Variants in ADGRB3 observed in about 807,000 individuals in gnomAD.
The protein encoded by ADGRB3 is adhesion G protein-coupled receptor B3.
ADGRB3 carries 37 observed loss-of-function variants against 193.4 expected under a neutral mutation model. That is an observed-to-expected ratio of 0.19 (90% CI 0.15 to 0.25). The LOEUF is 0.25. Ranked by LOEUF, ADGRB3 falls within the 10% of genes least tolerant of loss-of-function variation. The pLI, the probability that ADGRB3 is intolerant of heterozygous loss-of-function variation, is 1.00. For missense variants in ADGRB3, 1,637 were observed against 1,852.9 expected (o/e 0.88, Z 2.14); for synonymous variants, 690 against 644.2 (o/e 1.07, Z -1.08).
intron 20 of ADGRB3, among the ~76,000 whole-genome samples, chr6:69,275,291 T>C (rs534798587): frequency 6.6e-6 from 1 of 152,272 alleles, no homozygotes; most frequent in East Asian, 1.9e-4. Context: ...TAGTTTCTTC[T>C]TTCATCTTTA....
intron 20 of ADGRB3, among the ~76,000 whole-genome samples, chr6:69,282,492 G>A (rs1437387416): frequency 6.6e-6 from 1 of 152,108 alleles, no homozygotes; most frequent in Non-Finnish European, 1.5e-5. Context: ...CTCCATCTAA[G>A]TAATATGATT....
intron 17 of ADGRB3, among the ~76,000 whole-genome samples, chr6:69,134,340 G>A (rs1383955277): frequency 1.3e-5 from 2 of 152,040 alleles, no homozygotes; most frequent in African/African-American, 4.8e-5. Flanking sequence ...CCTCATCATT[G>A]TAACTTCCTG....
At position 69,348,526 on chromosome 6, in the gene ADGRB3, G is replaced by A. The variant is rs370920446; in HGVS notation, c.3460-5707G>A. On this transcript the variant is annotated intron_variant, in intron 26 of 31. Coordinates refer to ENST00000370598, the MANE Select transcript of ADGRB3 (RefSeq NM_001704.3). ...AAAAAAAAAAAAATTAGCCGGGCAT[G>A]GTGGCAGGCGCCTGTAGTCCCAGCT... Among the ~76,000 whole-genome samples, 712 of 151,096 alleles carry A rather than the reference G, an allele frequency of 4.7e-3. 4 individuals are homozygous for A. The highest frequency in any genetic ancestry group is 0.017 in the African/African-American group (680 of 41,040).
intron 17 of ADGRB3, among the ~76,000 whole-genome samples, chr6:69,178,424 T>A (rs1470497474): frequency 6.6e-6 from 1 of 152,232 alleles, no homozygotes; most frequent in Non-Finnish European, 1.5e-5. Flanking sequence ...CTTGCCACTC[T>A]GTGCCTTTTA....
intron 3 of ADGRB3, among the ~76,000 whole-genome samples, chr6:68,889,985 A>G (rs1182227921): frequency 3.3e-5 from 5 of 152,210 alleles, no homozygotes; most frequent in East Asian, 1.9e-4. Flanking sequence ...AACTCTATAC[A>G]TGGCCAACAA....
At chr6:69,145,641 T>C (rs1384890083) in intron 17 of ADGRB3, among the ~76,000 whole-genome samples, 1 of 152,006 alleles carries the variant, frequency 6.6e-6, no homozygotes, top group East Asian at 1.9e-4. Flanking sequence ...AAGTGGAGGA[T>C]AAGAAAGATG....
chr6:68,760,604 A>G (rs1766378719), intron 3 of ADGRB3, among the ~76,000 whole-genome samples: 2 of 152,232 alleles, frequency 1.3e-5, no homozygotes, highest in Admixed American at 1.3e-4. Flanking sequence ...TCAGAGGAAA[A>G]CAACAAACGT....
At chr6:68,697,656 C>G (rs919515569) in intron 3 of ADGRB3, among the ~76,000 whole-genome samples, 2 of 151,928 alleles carry the variant, frequency 1.3e-5, no homozygotes, top group Non-Finnish European at 2.9e-5. Flanking sequence ...GTGAAACAAA[C>G]TGTACAGCAC....
chr6:69,216,478 G>A (rs1232794609), intron 17 of ADGRB3, among the ~76,000 whole-genome samples: 2 of 152,144 alleles, frequency 1.3e-5, no homozygotes, highest in Admixed American at 6.6e-5. Flanking sequence ...GAGAAAGGAA[G>A]CACAAATGTA....
intron 13 of ADGRB3, among the ~76,000 whole-genome samples, chr6:69,037,142 A>G (rs1283841068): frequency 6.6e-6 from 1 of 152,176 alleles, no homozygotes; most frequent in Non-Finnish European, 1.5e-5. Flanking sequence ...AAATATCAAT[A>G]GTAAAGAATG....
intron 17 of ADGRB3, among the ~76,000 whole-genome samples, chr6:69,135,801 G>A (rs1311389758): frequency 6.6e-6 from 1 of 152,002 alleles, no homozygotes; most frequent in Non-Finnish European, 1.5e-5. Flanking sequence ...GGATTATCAG[G>A]AGAACAAGAA....
chr6:68,792,883 T>A (rs1280568159), intron 3 of ADGRB3, among the ~76,000 whole-genome samples: 1 of 152,190 alleles, frequency 6.6e-6, no homozygotes, highest in Non-Finnish European at 1.5e-5. Flanking sequence ...TTACATGATC[T>A]ACAGTCTCAG....
chr6:69,128,746 A>G lies in ADGRB3; in HGVS notation c.2480+52708A>G, dbSNP rs139503861. 9.5e-4 allele frequency among the ~76,000 whole-genome samples: 144 copies of G among 152,268 alleles called. 2 individuals carry two copies. In the South Asian group the frequency reaches 0.014, roughly 15 times the overall value. On this transcript the variant is annotated intron_variant, in intron 17 of 31. Coordinates refer to ENST00000370598, the MANE Select transcript of ADGRB3 (RefSeq NM_001704.3). The stretch of plus-strand genomic sequence containing the variant: ...TTGTTAAACTGACTATTTTCAGACC[A>G]TCTTCAAGGAACTTGGTTATTCCAG...
chr6:68,880,320 T>C (rs1765699832), intron 3 of ADGRB3, among the ~76,000 whole-genome samples: 2 of 152,210 alleles, frequency 1.3e-5, no homozygotes, highest in Non-Finnish European at 2.9e-5. Context: ...GCCTATGGTA[T>C]CAGTTTCAAA....
In ADGRB3 at chr6:68,754,742, A is replaced by G. The variant is rs374073283; in HGVS notation, c.757+115310A>G. 3.3e-4 allele frequency among the ~76,000 whole-genome samples: 49 copies of G among 150,342 alleles called. 1 individual carries two copies. The highest frequency in any genetic ancestry group is 3.4e-3 in the Middle Eastern group (1 of 292). On this transcript the variant is annotated intron_variant, in intron 3 of 31. Transcript: ENST00000370598. ...ATGGGTGGAGAATAAGGAAATTTAA[A>G]AAAAAAAACAGCATTAGAAAGGTTG... is the stretch of plus-strand genomic sequence containing the variant.
chr6:69,293,571 T>C (rs1408722110), intron 20 of ADGRB3, among the ~76,000 whole-genome samples: 1 of 152,208 alleles, frequency 6.6e-6, no homozygotes, highest in Non-Finnish European at 1.5e-5. Context: ...GGCCCATACC[T>C]ATTCACTTTC....
At chr6:68,884,275 G>T (rs927683764) in intron 3 of ADGRB3, among the ~76,000 whole-genome samples, 1 of 152,208 alleles carries the variant, frequency 6.6e-6, no homozygotes, top group African/African-American at 2.4e-5. Context: ...GGAGAGTGAA[G>T]AGCTCCTTTG....
At chr6:68,698,911 A>G (rs938342094) in intron 3 of ADGRB3, among the ~76,000 whole-genome samples, 21 of 152,086 alleles carry the variant, frequency 1.4e-4, no homozygotes, top group African/African-American at 3.6e-4. Flanking sequence ...AGGTCTAGGC[A>G]TATAGATTAT....
At chr6:68,721,627 AATATATAT>A (rs71852236) in intron 3 of ADGRB3, among the ~76,000 whole-genome samples, 2,002 of 140,232 alleles carry the variant, frequency 0.014, 46 homozygotes, top group African/African-American at 0.044. Flanking sequence ...AAGTATAATA[AATATATAT>A]ATATATATAT....
Sources: allele counts gnomAD v4.1 joint callset (sites outside exome capture counted in the v4.1 genomes callset), GRCh38; gene constraint gnomAD v4.1.1; transcripts MANE v1.5; gene names NCBI Gene and HGNC (gene_info 2026-07-23, HGNC 2026-07-21).